BCL9L: variants seen among roughly 807,000 people sequenced by gnomAD.
BCL9L encodes the protein BCL9 like, also known as B-cell CLL/lymphoma 9-like protein.
Under a neutral mutation model 99.4 loss-of-function variants are expected in BCL9L, and 19 were observed. The observed-to-expected ratio is 0.19, with a 90% CI of 0.13 to 0.28. The LOEUF (loss-of-function observed/expected upper bound fraction) is 0.28, where lower values mean the gene tolerates loss of function less well. Among genes scored for constraint, BCL9L ranks in the 10% least tolerant of loss-of-function variants. The pLI, the probability that BCL9L is intolerant of heterozygous loss-of-function variation, is 1.00. For synonymous variants in BCL9L, 900 were observed against 854.8 expected, an observed-to-expected ratio of 1.05 and a Z score of -0.92; for missense variants, 2,023 against 2,101.6, an observed-to-expected ratio of 0.96 and a Z score of 0.73.
rs913695572 is a variant in BCL9L, at chr11:118,898,193, G to A, written c.*222C>T. 5.9e-5 allele frequency: 38 copies of A among 647,326 alleles called. No individual in the cohort carries two copies. Among genetic ancestry groups the A allele is most frequent in the Admixed American group, 4.3e-4 (14 of 32,408 alleles). The allele number at this position is 647,326 out of a possible 1,614,324, so 40.1% of individuals were successfully genotyped here. A position where few individuals can be genotyped will look rare whatever the true frequency, so the allele number is the denominator to read the frequency against. On this transcript the variant is annotated 3_prime_UTR_variant, in exon 10 of 10. Coordinates refer to ENST00000683865, the MANE Select transcript of BCL9L (RefSeq NM_001378213.1). ...TGGGGGAGGGGCAGTCCTGGTGGCCGAAATGGAACCAACCCCAATGCAAAA... is the reference window on the plus strand; with the variant it reads ...TGGGGGAGGGGCAGTCCTGGTGGCCAAAATGGAACCAACCCCAATGCAAAA...
rs139258110 is a variant in BCL9L, at chr11:118,898,934, C to T, written c.3981G>A (p.Ser1327=). 87 of 1,612,576 alleles carry T rather than the reference C, an allele frequency of 5.4e-5. No homozygotes were observed. In the African/African-American group the frequency reaches 7.6e-4, roughly 14 times the overall value. The change falls in exon 10 of 10, where the codon TCG becomes TCA. Residue 1327 remains serine (S), a synonymous_variant. Transcript: ENST00000683865. ...TTGGCTTCTCAGAGGGGATGATCCT[C>T]GACAAGTCGAACTCGGGGATCCCCG... ...TPTGIPEFDL[S]RIIPSEKPSS...
chr11:118,923,889 C>A (rs769722204), intron 1 of BCL9L, among the ~76,000 whole-genome samples: 1 of 152,224 alleles, frequency 6.6e-6, no homozygotes, highest in Admixed American at 6.5e-5. Context: ...CCATTCTCTC[C>A]CTGTCCTGTC....
intron 5 of BCL9L, among the ~76,000 whole-genome samples, chr11:118,904,975 A>AGTCCAACAAGGAACTTT (rs1940446258): frequency 6.6e-6 from 1 of 152,236 alleles, no homozygotes; most frequent in African/African-American, 2.4e-5. Flanking sequence ...GGCAGGGCTT[A>AGTCCAACAAGGAACTTT]GTCCAACAAG....
chr11:118,898,853 G>T lies in BCL9L; in HGVS notation c.4062C>A (p.Pro1354=). 1.9e-6 allele frequency: 3 copies of T among 1,614,110 alleles called. No individual in the cohort carries two copies. The highest frequency in any genetic ancestry group is 2.5e-6 in the Non-Finnish European group (3 of 1,180,008). Reference sequence around the variant, plus strand: ...GCAGGTTCATGAGATGCAGATTAGGGGGCTGAGCCTTGGGGGGCTGGTTCT... The same window carrying T: ...GCAGGTTCATGAGATGCAGATTAGGTGGCTGAGCCTTGGGGGGCTGGTTCT... ...KSENQPPKAQ[P]PNLHLMNLQN... The change falls in exon 10 of 10, where the codon CCC becomes CCA. Residue 1354 remains proline, a synonymous_variant. Transcript: ENST00000683865.
At chr11:118,923,338 G>A (rs1347120272) in intron 1 of BCL9L, among the ~76,000 whole-genome samples, 1 of 152,150 alleles carries the variant, frequency 6.6e-6, no homozygotes, top group Admixed American at 6.5e-5. Context: ...TGCCTGGTCT[G>A]GAAGTTGAGA....
chr11:118,903,605 C>G lies in BCL9L; in HGVS notation c.533-153G>C, dbSNP rs937537029. The stretch of plus-strand genomic sequence containing the variant: ...GGTGTTCTCACCAGGCTGGTTTCCA[C>G]GATGGCAAGAGTGGTGACCATGTGG... On this transcript the variant is annotated intron_variant, in intron 5 of 9. Transcript: ENST00000683865. This position sits in a 1 kb window ranked among gnomAD's most constrained non-coding sequence, Gnocchi z 5.6. 6.6e-6 allele frequency among the ~76,000 whole-genome samples: 1 copy of G among 152,184 alleles called. No homozygotes were observed. The highest frequency in any genetic ancestry group is 1.5e-5 in the Non-Finnish European group (1 of 68,036).
chr11:118,924,306 G>A (rs1271952638), intron 1 of BCL9L, among the ~76,000 whole-genome samples: 2 of 150,656 alleles, frequency 1.3e-5, no homozygotes, highest in Non-Finnish European at 2.9e-5. Context: ...TTTTCTCCTC[G>A]CAGCAGAGGT....
intron 2 of BCL9L, among the ~76,000 whole-genome samples, chr11:118,917,857 C>G (rs557262777): frequency 9.8e-5 from 15 of 152,306 alleles, no homozygotes; most frequent in Non-Finnish European, 2.1e-4. Flanking sequence ...GTCACCGAGA[C>G]AACAGCACAG....
intron 2 of BCL9L, 151 bp from the exon 3 acceptor site, chr11:118,910,166 G>A (rs1376211277): frequency 5.0e-6 from 3 of 598,290 alleles, no homozygotes; most frequent in Non-Finnish European, 9.0e-6. Flanking sequence ...ATGGGGTCTC[G>A]ATCCTGGAGG....
At position 118,925,805 on chromosome 11, in the gene BCL9L, C is replaced by T. The variant is rs1320428116; in HGVS notation, c.-698G>A. On this transcript the variant is annotated 5_prime_UTR_variant, in exon 1 of 10. Transcript: ENST00000683865. The surrounding 1 kb of genome is among the most constrained non-coding windows in gnomAD (Gnocchi z 6.4). ...GCTCCGGGCGGCGGCGGTGGTGCAG[C>T]GGCCCCGGGTCCGGGGCATGTCCAG... is the stretch of plus-strand genomic sequence containing the variant. Among the ~76,000 whole-genome samples the T allele has an allele frequency of 6.7e-6, 1 of 150,130 alleles. No homozygotes were observed. Among genetic ancestry groups the T allele is most frequent in the Non-Finnish European group, 1.5e-5 (1 of 67,382 alleles).
Position 118,914,536 on chromosome 11 carries a change from C to T in BCL9L, c.-77+4290G>A, listed in dbSNP as rs547874872. 1.3e-5 allele frequency among the ~76,000 whole-genome samples: 2 copies of T among 152,322 alleles called. No individual in the cohort carries two copies. Among genetic ancestry groups the T allele is most frequent in the African/African-American group, 4.8e-5 (2 of 41,562 alleles). ...CTGCCCACATTGACATCCAGACTGT[C>T]ATGACCCTCCAGGATGCAGGGGCAC... is the stretch of plus-strand genomic sequence containing the variant. On this transcript the variant is annotated intron_variant, in intron 2 of 9. Coordinates refer to ENST00000683865, the MANE Select transcript of BCL9L (RefSeq NM_001378213.1). This position sits in a 1 kb window ranked among gnomAD's most constrained non-coding sequence, Gnocchi z 4.4.
chr11:118,913,173 T>C (rs1940860194), intron 2 of BCL9L, among the ~76,000 whole-genome samples: 1 of 152,144 alleles, frequency 6.6e-6, no homozygotes, highest in South Asian at 2.1e-4. Context: ...CCCGACTCTG[T>C]GCCAAAGGAG....
intron 4 of BCL9L, 73 bp from the exon 5 acceptor site, chr11:118,907,675 C>A: frequency 6.3e-7 from 1 of 1,581,986 alleles, no homozygotes; most frequent in Non-Finnish European, 8.5e-7. Context: ...GGGTCCCTCC[C>A]AGATCCATTC....
Position 118,899,265 on chromosome 11 carries a change from C to A in BCL9L, c.3650G>T (p.Gly1217Val). ...CATCTGGGAGGAGCTGGGCACTGGGCCACAGGGGGCATTCAGGGAGTCGGG... is the reference window on the plus strand; with the variant it reads ...CATCTGGGAGGAGCTGGGCACTGGGACACAGGGGGCATTCAGGGAGTCGGG... ...GGPDSLNAPC[G>V]PVPSSSQMMP... is the part of the protein sequence containing the mutation. Residue 1217 changes from glycine to valine, a missense_variant, in exon 10 of 10, where the codon GGC becomes GTC. Transcript: ENST00000683865. 3 of 1,527,976 alleles carry A rather than the reference C, an allele frequency of 2.0e-6. No homozygotes were observed. Among genetic ancestry groups the A allele is most frequent in the Non-Finnish European group, 2.6e-6 (3 of 1,138,608 alleles). The allele number at this position is 1,527,976 out of a possible 1,614,324, so 94.7% of individuals were successfully genotyped here.
In BCL9L at chr11:118,901,084, G is replaced by A; in HGVS notation, c.2659C>T (p.Leu887Phe). ...GCAGGGGGCAGAGGCATGTGGCTGAGCCGGGTGGTGCCCACGTTGCTCATG... is the reference window on the plus strand; with the variant it reads ...GCAGGGGGCAGAGGCATGTGGCTGAACCGGGTGGTGCCCACGTTGCTCATG... ...MPMSNVGTTRLSHMPLPPASN... is the reference protein window; with the variant it reads ...MPMSNVGTTRFSHMPLPPASN... Residue 887 changes from leucine (L) to phenylalanine (F), a missense_variant, in exon 8 of 10, where the codon CTC becomes TTC. This residue lies in a region of BCL9L where 902 missense variants were observed against 888.2 expected (regional missense o/e 1.02). Transcript: ENST00000683865. The surrounding 1 kb of genome is among the most constrained non-coding windows in gnomAD (Gnocchi z 6.6). 6.2e-7 allele frequency: 1 copy of A among 1,606,412 alleles called. No individual in the cohort carries two copies.
At chr11:118,923,199 A>T (rs1206206553) in intron 1 of BCL9L, among the ~76,000 whole-genome samples, 3 of 151,510 alleles carry the variant, frequency 2.0e-5, no homozygotes, top group African/African-American at 7.3e-5. Flanking sequence ...CATCGCAGTC[A>T]CTCCCCTGAT....
chr11:118,900,567 C>T lies in BCL9L; in HGVS notation c.3124+52G>A. On this transcript the variant is annotated intron_variant, in intron 8 of 9. Transcript: ENST00000683865. The surrounding 1 kb of genome is among the most constrained non-coding windows in gnomAD (Gnocchi z 5.3). The stretch of plus-strand genomic sequence containing the variant: ...ACTGCCCAGCCCCAGCATGGACACA[C>T]TGCTCAGCGCCTGCCTGCCTGCCTG... 2 of 1,548,124 alleles carry T rather than the reference C, an allele frequency of 1.3e-6. No individual in the cohort carries two copies. The highest frequency in any genetic ancestry group is 1.7e-6 in the Non-Finnish European group (2 of 1,150,226).
At position 118,908,433 on chromosome 11, in the gene BCL9L, C is replaced by T. The variant is rs1357040254; in HGVS notation, c.249G>A (p.Lys83=). Residue 83 remains lysine, a synonymous_variant, in exon 4 of 10, where the codon AAG becomes AAA. Transcript: ENST00000683865. ...KGVGAGNHGA[K]ANQISPSNSS... is the part of the protein sequence containing the mutation. ...AGTTGCTAGGCGAGATCTGGTTGGCCTTGGCCCCATGGTTCCCCGCCCCCA... is the reference window on the plus strand; with the variant it reads ...AGTTGCTAGGCGAGATCTGGTTGGCTTTGGCCCCATGGTTCCCCGCCCCCA... The T allele has an allele frequency of 6.2e-7, 1 of 1,613,990 alleles. No individual in the cohort carries two copies. The highest frequency in any genetic ancestry group is 8.5e-7 in the Non-Finnish European group (1 of 1,179,970).
intron 5 of BCL9L, among the ~76,000 whole-genome samples, chr11:118,904,418 C>T (rs1249694828): frequency 6.6e-6 from 1 of 151,808 alleles, no homozygotes; most frequent in Non-Finnish European, 1.5e-5. Context: ...CTAGCCAGGG[C>T]GACAGAGCGA....
Sources: gnomAD v4.1 joint callset for allele counts (sites outside exome capture counted in the v4.1 genomes callset) on GRCh38, gnomAD v4.1.1 for gene constraint, gnomAD v4.1.1 regional missense constraint, Gnocchi (gnomAD v3.1) non-coding constraint, MANE v1.5 for transcripts, NCBI Gene and HGNC (gene_info 2026-07-23, HGNC 2026-07-21) for gene names.